Variants in CHD9 observed in about 807,000 individuals in gnomAD.
The protein encoded by CHD9 is ATP-dependent chromatin remodeler CHD9.
Under a neutral mutation model 316.1 loss-of-function variants are expected in CHD9, and 77 were observed. The observed-to-expected ratio is 0.24, with a 90% CI of 0.20 to 0.29. The LOEUF (loss-of-function observed/expected upper bound fraction) is 0.29, where lower values mean the gene tolerates loss of function less well. Among genes scored for constraint, CHD9 ranks in the 10% least tolerant of loss-of-function variants. The pLI is 1.00. For missense variants in CHD9, 2,763 were observed against 3,438.1 expected, an observed-to-expected ratio of 0.80 and a Z score of 4.91; for synonymous variants, 1,129 against 1,158.3, an observed-to-expected ratio of 0.97 and a Z score of 0.51.
intron 27 of CHD9, among the ~76,000 whole-genome samples, chr16:53,290,661 C>A (rs1426055100): frequency 1.3e-5 from 2 of 151,984 alleles, no homozygotes; most frequent in Non-Finnish European, 2.9e-5. Context: ...GCTTGTAGTC[C>A]CAGCTACTCA....
chr16:53,266,618 T>C (rs544696202), intron 20 of CHD9, among the ~76,000 whole-genome samples: 1 of 152,350 alleles, frequency 6.6e-6, no homozygotes, highest in African/African-American at 2.4e-5. Flanking sequence ...CATTTGTCCG[T>C]GTAACTAAAA....
At chr16:53,066,446 C>G (rs558553880) in intron 1 of CHD9, among the ~76,000 whole-genome samples, 11 of 152,328 alleles carry the variant, frequency 7.2e-5, no homozygotes, top group African/African-American at 2.4e-4. Context: ...CATGGCCTCT[C>G]TTTCTACCCA....
At chr16:53,088,328 A>T (rs1306426813) in intron 1 of CHD9, among the ~76,000 whole-genome samples, 1 of 130,062 alleles carries the variant, frequency 7.7e-6, no homozygotes, top group African/African-American at 3.0e-5. Context: ...CCCAGGCTGG[A>T]GTGCAGTGGC....
intron 37 of CHD9, 49 bp from the exon 38 acceptor site, chr16:53,321,477 G>T: frequency 6.8e-7 from 1 of 1,470,488 alleles, no homozygotes. Flanking sequence ...GCAATCAAGA[G>T]TTTTCTATGT....
At position 53,200,924 on chromosome 16, in the gene CHD9, C is replaced by T. The variant is rs139738486; in HGVS notation, c.1453-8558C>T. Among the ~76,000 whole-genome samples, 476 of 152,268 alleles carry T rather than the reference C, an allele frequency of 3.1e-3. 7 individuals are homozygous for T. Among genetic ancestry groups the T allele is most frequent in the African/African-American group, 0.011 (461 of 41,552 alleles). On this transcript the variant is annotated intron_variant, in intron 2 of 38. Coordinates refer to ENST00000447540, the MANE Select transcript of CHD9 (RefSeq NM_001308319.2). ...ATAACAATAACCATACCTAATATCT[C>T]TCAGTATTTGTATGCCTGACACCAT...
At chr16:53,131,612 C>T (rs1413419222) in intron 1 of CHD9, among the ~76,000 whole-genome samples, 3 of 151,570 alleles carry the variant, frequency 2.0e-5, no homozygotes, top group Non-Finnish European at 2.9e-5. Context: ...GCGGCCAGGG[C>T]GTGGGAAGGC....
At chr16:53,201,011 GTTA>G (rs959928798) in intron 2 of CHD9, among the ~76,000 whole-genome samples, 2 of 152,128 alleles carry the variant, frequency 1.3e-5, no homozygotes, top group African/African-American at 4.8e-5. Context: ...GATGAATACT[GTTA>G]TTATCTACAT....
At chr16:53,105,137 G>T (rs762790106) in intron 1 of CHD9, among the ~76,000 whole-genome samples, 1 of 151,952 alleles carries the variant, frequency 6.6e-6, no homozygotes, top group African/African-American at 2.4e-5. Flanking sequence ...GTCACCACGC[G>T]CAGCCTCTTT....
chr16:53,320,313 G>A (rs772402167), intron 37 of CHD9, among the ~76,000 whole-genome samples: 2 of 152,136 alleles, frequency 1.3e-5, no homozygotes, highest in African/African-American at 2.4e-5. Flanking sequence ...CTGAGGTCAG[G>A]AGTTCAAGAC....
chr16:53,275,375 A>G (rs1395753034), intron 24 of CHD9, among the ~76,000 whole-genome samples: 1 of 152,202 alleles, frequency 6.6e-6, no homozygotes, highest in African/African-American at 2.4e-5. Context: ...TTCCTACAGA[A>G]GTACTTTTTG....
At chr16:53,136,626 C>T (rs7202887) in intron 1 of CHD9, among the ~76,000 whole-genome samples, 5,988 of 150,894 alleles carry the variant, frequency 0.04, 412 homozygotes, top group African/African-American at 0.14. Flanking sequence ...GTTGAAGCAA[C>T]GGAGGTACAG....
chr16:53,124,404 G>A (rs373615412), intron 1 of CHD9, among the ~76,000 whole-genome samples: 12 of 151,342 alleles, frequency 7.9e-5, no homozygotes, highest in African/African-American at 2.9e-4. Flanking sequence ...GGTGGCAGGC[G>A]AGAGAGAGAG....
At chr16:53,092,063 G>A (rs557744491) in intron 1 of CHD9, among the ~76,000 whole-genome samples, 3 of 152,292 alleles carry the variant, frequency 2.0e-5, no homozygotes, top group African/African-American at 7.2e-5. Flanking sequence ...AGTCTCTCAT[G>A]AGGAAGGCTT....
intron 1 of CHD9, among the ~76,000 whole-genome samples, chr16:53,058,623 G>T (rs544371140): frequency 4.8e-4 from 73 of 152,278 alleles, no homozygotes; most frequent in Admixed American, 3.3e-3. Context: ...GGGGCCAGGC[G>T]GCTCAGTGTC....
intron 37 of CHD9, among the ~76,000 whole-genome samples, chr16:53,320,341 G>C (rs1307580128): frequency 6.6e-6 from 1 of 152,072 alleles, no homozygotes. Context: ...GTCCAACATG[G>C]TGAAACCCTG....
intron 34 of CHD9, among the ~76,000 whole-genome samples, chr16:53,314,156 A>G (rs934662547): frequency 6.6e-6 from 1 of 151,766 alleles, no homozygotes. Context: ...GAATATCGGG[A>G]AAAAAAATAG....
At chr16:53,171,843 CACACACACACACACACAG>C (rs1331552300) in intron 2 of CHD9, among the ~76,000 whole-genome samples, 38 of 73,490 alleles carry the variant, frequency 5.2e-4, no homozygotes, top group African/African-American at 1.8e-3. Flanking sequence ...CACACACACA[CACACACACACACACACAG>C]ACACACACAC....
intron 22 of CHD9, among the ~76,000 whole-genome samples, chr16:53,270,465 A>G (rs532405203): frequency 2.6e-4 from 39 of 152,250 alleles, no homozygotes; most frequent in African/African-American, 8.9e-4. Flanking sequence ...TTAAATTTAG[A>G]TACCACTAAA....
intron 1 of CHD9, among the ~76,000 whole-genome samples, chr16:53,118,392 G>C (rs2038485090): frequency 6.6e-6 from 1 of 152,152 alleles, no homozygotes; most frequent in Non-Finnish European, 1.5e-5. Context: ...ACTCCAGCCT[G>C]AGCAGTAGAG....
Sources: gnomAD v4.1 joint callset for allele counts (sites outside exome capture counted in the v4.1 genomes callset) on GRCh38, gnomAD v4.1.1 for gene constraint, MANE v1.5 for transcripts, NCBI Gene and HGNC (gene_info 2026-07-23, HGNC 2026-07-21) for gene names.